PPARGC1A: variants seen among roughly 807,000 people sequenced by gnomAD.
PPARGC1A encodes the protein PPARG coactivator 1 alpha.
A neutral mutation model predicts 88.7 loss-of-function variants in PPARGC1A; 25 were observed. The observed-to-expected ratio is 0.28, with a 90% CI of 0.21 to 0.39. PPARGC1A has a LOEUF of 0.39. Ranked by LOEUF, PPARGC1A falls within the 10% of genes least tolerant of loss-of-function variation. The pLI, the probability that PPARGC1A is intolerant of heterozygous loss-of-function variation, is 1.00. For missense variants in PPARGC1A, 880 were observed against 968.7 expected (o/e 0.91, Z 1.22); for synonymous variants, 363 against 355.6 (o/e 1.02, Z -0.24).
chr4:23,936,643 G>A, the PPARGC1A span, among the ~76,000 whole-genome samples: 7 of 152,190 alleles, frequency 4.6e-5, no homozygotes, highest in African/African-American at 1.4e-4. Context: ...AGGCCGAGGC[G>A]GGTGGATCAC....
chr4:23,805,281 A>G (rs1719595565), intron 10 of PPARGC1A, among the ~76,000 whole-genome samples: 1 of 152,128 alleles, frequency 6.6e-6, no homozygotes, highest in South Asian at 2.1e-4. Flanking sequence ...AGAAACAAAG[A>G]TTTCCATAAT....
the PPARGC1A span, among the ~76,000 whole-genome samples, chr4:24,317,107 A>T: frequency 6.6e-6 from 1 of 152,174 alleles, no homozygotes; most frequent in Admixed American, 6.5e-5. Flanking sequence ...GATGAGGAAG[A>T]TGAGGCTTAA....
chr4:24,032,106 T>TATA, the PPARGC1A span, among the ~76,000 whole-genome samples: 3 of 152,250 alleles, frequency 2.0e-5, no homozygotes, highest in Non-Finnish European at 4.4e-5. Context: ...GATGCTTTCT[T>TATA]ATAATAATAA....
chr4:23,890,180 C>A, upstream of PPARGC1A: 4 of 880,126 alleles, frequency 4.5e-6, no homozygotes, highest in Non-Finnish European at 6.0e-6. Flanking sequence ...CGTGACGTCA[C>A]TCAAAGGCAG....
the PPARGC1A span, among the ~76,000 whole-genome samples, chr4:23,921,993 C>T: frequency 1.3e-5 from 2 of 152,160 alleles, no homozygotes; most frequent in Admixed American, 1.3e-4. Context: ...ATTCCACAAA[C>T]ATTTACTGAA....
At chr4:24,404,756 G>T in the PPARGC1A span, among the ~76,000 whole-genome samples, 1 of 152,194 alleles carries the variant, frequency 6.6e-6, no homozygotes, top group Non-Finnish European at 1.5e-5. Context: ...TATTTTTCAA[G>T]AGAAGCCAAA....
the PPARGC1A span, among the ~76,000 whole-genome samples, chr4:24,328,604 T>G: frequency 3.5e-4 from 54 of 152,304 alleles, 1 homozygote; most frequent in Admixed American, 2.9e-3. Flanking sequence ...CTAACTAACA[T>G]CATCTCCCTT....
chr4:24,242,700 C>A, the PPARGC1A span, among the ~76,000 whole-genome samples: 4 of 152,264 alleles, frequency 2.6e-5, no homozygotes, highest in South Asian at 8.3e-4. Context: ...AAGATAAAGA[C>A]CAAAATCTAC....
At chr4:24,115,785 C>T in the PPARGC1A span, among the ~76,000 whole-genome samples, 346 of 152,224 alleles carry the variant, frequency 2.3e-3, 1 homozygote, top group African/African-American at 7.7e-3. Context: ...TGACCCAGCT[C>T]AGCCTCCCTT....
the PPARGC1A span, among the ~76,000 whole-genome samples, chr4:24,262,830 G>A: frequency 6.6e-6 from 1 of 152,118 alleles, no homozygotes; most frequent in Non-Finnish European, 1.5e-5. Flanking sequence ...AGCGATGGCT[G>A]TGGTAAAAAG....
At chr4:24,363,937 G>A in the PPARGC1A span, among the ~76,000 whole-genome samples, 34 of 152,036 alleles carry the variant, frequency 2.2e-4, no homozygotes, top group Non-Finnish European at 3.8e-4. Flanking sequence ...TTGTCATTCC[G>A]CTGCCAAGAG....
At chr4:24,217,061 C>T in the PPARGC1A span, among the ~76,000 whole-genome samples, 1,333 of 152,274 alleles carry the variant, frequency 8.8e-3, 30 homozygotes, top group African/African-American at 0.03. Flanking sequence ...TCCGGAATGA[C>T]GGCAATGTGT....
chr4:24,406,696 C>G, the PPARGC1A span, among the ~76,000 whole-genome samples: 1 of 152,118 alleles, frequency 6.6e-6, no homozygotes, highest in African/African-American at 2.4e-5. Context: ...TCAAGGTCTC[C>G]AAAATGTTGA....
chr4:24,433,002 G>T, the PPARGC1A span, among the ~76,000 whole-genome samples: 1 of 152,070 alleles, frequency 6.6e-6, no homozygotes, highest in Non-Finnish European at 1.5e-5. Context: ...CCCTAAACTC[G>T]TTCAGTATCT....
At chr4:23,892,323 TAAC>T (rs1241808013), upstream of PPARGC1A, among the ~76,000 whole-genome samples, 2 of 152,146 alleles carry the variant, frequency 1.3e-5, no homozygotes, top group Non-Finnish European at 2.9e-5. Context: ...AATTCAGAAG[TAAC>T]AACATTTAAA....
chr4:24,362,038 A>C, the PPARGC1A span, among the ~76,000 whole-genome samples: 1 of 152,370 alleles, frequency 6.6e-6, no homozygotes, highest in East Asian at 1.9e-4. Flanking sequence ...AACCTTAAGA[A>C]GAGCAAGACA....
the PPARGC1A span, among the ~76,000 whole-genome samples, chr4:23,989,691 G>C: frequency 6.6e-6 from 1 of 151,882 alleles, no homozygotes; most frequent in Non-Finnish European, 1.5e-5. Flanking sequence ...ATGAATGAGT[G>C]AATAAATGAA....
At chr4:24,367,226 C>T in the PPARGC1A span, among the ~76,000 whole-genome samples, 1 of 152,120 alleles carries the variant, frequency 6.6e-6, no homozygotes, top group African/African-American at 2.4e-5. Context: ...GGAGACTCCT[C>T]AGGAAAATCA....
chr4:24,138,664 T>C, the PPARGC1A span, among the ~76,000 whole-genome samples: 1 of 152,142 alleles, frequency 6.6e-6, no homozygotes, highest in Non-Finnish European at 1.5e-5. Flanking sequence ...TTGTTCTTGT[T>C]AAGCAAGAGA....
Sources: allele counts gnomAD v4.1 joint callset (sites outside exome capture counted in the v4.1 genomes callset), GRCh38; gene constraint gnomAD v4.1.1; transcripts MANE v1.5; gene names NCBI Gene and HGNC (gene_info 2026-07-23, HGNC 2026-07-21).